ROBO4: variants seen among roughly 807,000 people sequenced by gnomAD.
ROBO4 encodes roundabout homolog 4.
A neutral mutation model predicts 103.3 loss-of-function variants in ROBO4; 80 were observed. That is an observed-to-expected ratio of 0.77 (90% CI 0.65 to 0.93). The LOEUF is 0.93. Ranked by LOEUF, ROBO4 falls within the 40% of genes least tolerant of loss-of-function variation. The pLI is 0.00. For missense variants in ROBO4, 1,333 were observed against 1,305.3 expected (o/e 1.02, Z -0.33); for synonymous variants, 504 against 529.7 (o/e 0.95, Z 0.67).
chr11:124,891,145 A>G (rs1946790391), intron 12 of ROBO4, among the ~76,000 whole-genome samples, 154 bp downstream of exon 12: 1 of 140,950 alleles, frequency 7.1e-6, no homozygotes, highest in African/African-American at 3.0e-5. Flanking sequence ...TGGTGGTAGG[A>G]GAAAGAGGTC....
intron 13 of ROBO4, 103 bp from the exon 14 acceptor site, chr11:124,887,602 C>T: frequency 6.4e-7 from 1 of 1,555,378 alleles, no homozygotes; most frequent in Non-Finnish European, 8.8e-7. Flanking sequence ...CTGTCCACTA[C>T]TCCATCCAAC....
chr11:124,897,034 G>T lies in ROBO4; in HGVS notation c.298C>A (p.His100Asn). ...TCTGTGGACAGGGCCTGGCCATCGTGGGCATGTCCCCGGGCAGGGGGCTGT... is the reference window on the plus strand; with the variant it reads ...TCTGTGGACAGGGCCTGGCCATCGTTGGCATGTCCCCGGGCAGGGGGCTGT... ...LLQPPARGHA[H>N]DGQALSTDLG... Residue 100 changes from histidine (H) to asparagine (N), a missense_variant, in exon 2 of 18, where the codon CAC becomes AAC. Coordinates refer to ENST00000306534, the MANE Select transcript of ROBO4 (RefSeq NM_019055.6). 1 of 1,614,010 alleles carries T rather than the reference G, an allele frequency of 6.2e-7. No individual in the cohort carries two copies. Among genetic ancestry groups the T allele is most frequent in the South Asian group, 1.1e-5 (1 of 91,040 alleles).
In ROBO4 at chr11:124,897,096, G is replaced by C. The variant is rs1471840729; in HGVS notation, c.236C>G (p.Pro79Arg). Reference sequence around the variant, plus strand: ...GGTCCCATCAGGCAGGAGGTGGTGTGGGTCTGGGGGCACCATGCTCAGGGG... The same window carrying C: ...GGTCCCATCAGGCAGGAGGTGGTGTCGGTCTGGGGGCACCATGCTCAGGGG... ...GQPLSMVPPD[P>R]HHLLPDGTLL... is the part of the protein sequence containing the mutation. Residue 79 changes from proline to arginine, a missense_variant, in exon 2 of 18, where the codon CCA (proline) becomes CGA (arginine). Physicochemically the swap from Pro to Arg is moderately radical, Grantham distance 103. Transcript: ENST00000306534. The C allele has an allele frequency of 6.9e-6, 11 of 1,601,152 alleles. No individual in the cohort carries two copies. The highest frequency in any genetic ancestry group is 9.4e-6 in the Non-Finnish European group (11 of 1,172,014).
rs562858449 is a variant in ROBO4 at position 124,894,481 on chromosome 11, G to A, written c.1150-112C>T. 16 of 1,078,590 alleles carry A rather than the reference G, an allele frequency of 1.5e-5. No homozygotes were observed. The African/African-American group carries it at 1.7e-4, about 12-fold the overall frequency. 66.8% of individuals were successfully genotyped at this position (1,078,590 alleles called of 1,614,324 possible). ...GGTTATTCTGCCCTGCCATCCACTT[G>A]GGGAATGCACCCAATTTCCTATTCC... On this transcript the variant is annotated intron_variant, in intron 7 of 17. Transcript: ENST00000306534.
At position 124,895,457 on chromosome 11, in the gene ROBO4, C is replaced by T. The variant is rs1281608574; in HGVS notation, c.1036G>A (p.Val346Met). ...NVLLLRLPEK[V>M]PSAPPQEVTL... ...GCTTCTGAAGGGATCAGGCCCTGAC[C>T]TTTTTCCGGCAGCCTCAGGAGCAGC... The change falls in exon 6 of 18, where the codon GTG becomes ATG. Residue 346 changes from valine to methionine, a missense_variant and splice_region_variant. Physicochemically the swap from Val to Met is conservative, Grantham distance 21. Coordinates refer to ENST00000306534, the MANE Select transcript of ROBO4 (RefSeq NM_019055.6). The T allele has an allele frequency of 1.2e-6, 2 of 1,608,730 alleles. No individual in the cohort carries two copies. Among genetic ancestry groups the T allele is most frequent in the East Asian group, 2.2e-5 (1 of 44,882 alleles).
At position 124,884,607 on chromosome 11, in the gene ROBO4, C is replaced by A; in HGVS notation, c.*284G>T. ...GCAGCAGGCAGGGCTGCTCCTCAGGCCAAAACAACCTGGTGGTGGGAGTGG... is the reference window on the plus strand; with the variant it reads ...GCAGCAGGCAGGGCTGCTCCTCAGGACAAAACAACCTGGTGGTGGGAGTGG... On this transcript the variant is annotated 3_prime_UTR_variant, in exon 18 of 18. Transcript: ENST00000306534. 1.9e-6 allele frequency: 1 copy of A among 536,538 alleles called. No homozygotes were observed. 33.2% of individuals were successfully genotyped at this position (536,538 alleles called of 1,614,324 possible).
At position 124,888,340 on chromosome 11, in the gene ROBO4, T is replaced by C. The variant is rs112272457; in HGVS notation, c.1949-500A>G. 9.9e-3 allele frequency among the ~76,000 whole-genome samples: 1,501 copies of C among 152,346 alleles called. 17 individuals are homozygous for C. Among genetic ancestry groups the C allele is most frequent in the African/African-American group, 0.026 (1,063 of 41,578 alleles). ...AATCTATTAATTTCCATTTCTCACA[T>C]TGCAAATATCTCACATGGCTCTGGA... On this transcript the variant is annotated intron_variant, in intron 12 of 17. Transcript: ENST00000306534.
chr11:124,890,093 T>C (rs769231819), intron 12 of ROBO4, among the ~76,000 whole-genome samples: 18 of 152,352 alleles, frequency 1.2e-4, no homozygotes, highest in Non-Finnish European at 2.2e-4. Context: ...ATCCATTCCA[T>C]TAAAGTTGGT....
In ROBO4 at chr11:124,894,223, A is replaced by C; in HGVS notation, c.1296T>G (p.Ser432Arg). Residue 432 changes from serine to arginine, a missense_variant, in exon 8 of 18, where the codon AGT (serine) becomes AGG (arginine). Transcript: ENST00000306534. ...AVTGAGAGEPSRPVCLLLEQA... is the reference protein window; with the variant it reads ...AVTGAGAGEPRRPVCLLLEQA... The stretch of plus-strand genomic sequence containing the variant: ...CACCTAAAAGGAGGCAGACAGGTCT[A>C]CTGGGCTCCCCAGCTCCAGCACCAG... 1 of 1,613,230 alleles carries C rather than the reference A, an allele frequency of 6.2e-7. No homozygotes were observed. The highest frequency in any genetic ancestry group is 8.5e-7 in the Non-Finnish European group (1 of 1,179,700).
In ROBO4 at chr11:124,887,171, T is replaced by C. The variant is rs751065818; in HGVS notation, c.2241A>G (p.Pro747=). The C allele has an allele frequency of 3.1e-6, 5 of 1,604,744 alleles. No individual in the cohort carries two copies. In the Admixed American group the frequency reaches 8.4e-5, roughly 27 times the overall value. The stretch of plus-strand genomic sequence containing the variant: ...GGCTAAGGATGGGGATGGGGGCTGC[T>C]GGCAGCAGGATGGAGGAGGGAGCCT... ...APQAPSSILL[P]AAPIPILSPC... is the part of the protein sequence containing the mutation. Residue 747 remains proline, a synonymous_variant, in exon 15 of 18, where the codon CCA becomes CCG. Transcript: ENST00000306534.
At chr11:124,895,282 C>A in intron 6 of ROBO4, 89 bp from the exon 7 acceptor site, 1 of 1,216,104 alleles carries the variant, frequency 8.2e-7, no homozygotes. Flanking sequence ...CGTCAGAACC[C>A]TACTGAAGAG....
chr11:124,891,396 G>C lies in ROBO4; in HGVS notation c.1851C>G (p.Pro617=). 1 of 1,574,746 alleles carries C rather than the reference G, an allele frequency of 6.4e-7. No individual in the cohort carries two copies. The highest frequency in any genetic ancestry group is 1.8e-5 in the Admixed American group (1 of 57,004). Reference sequence around the variant, plus strand: ...TGCAGAGGCTGTCTGAGCTGGAACAGGGGCTGGAGAGCTGGGCCAGCTGGG... The same window carrying C: ...TGCAGAGGCTGTCTGAGCTGGAACACGGGCTGGAGAGCTGGGCCAGCTGGG... ...LPPQLAQLSS[P]CSSSDSLCSR... is the part of the protein sequence containing the mutation. The change falls in exon 12 of 18, where the codon CCC becomes CCG. Residue 617 remains proline (P), a synonymous_variant. Coordinates refer to ENST00000306534, the MANE Select transcript of ROBO4 (RefSeq NM_019055.6).
intron 14 of ROBO4, 54 bp from the exon 15 acceptor site, chr11:124,887,267 TTTCCCCC>T (rs1268311387): frequency 1.8e-5 from 28 of 1,596,260 alleles, no homozygotes; most frequent in Non-Finnish European, 8.5e-7. Context: ...CTTCAAGTCC[TTTCCCCC>T]CTTCCCCAGC....
At chr11:124,893,632 G>C in intron 10 of ROBO4, 56 bp downstream of exon 10, 1 of 1,517,062 alleles carries the variant, frequency 6.6e-7, no homozygotes, top group Non-Finnish European at 9.2e-7. Context: ...CTCTGTTGCA[G>C]CTCCACTGTC....
Position 124,895,461 on chromosome 11 carries a change from T to C in ROBO4, c.1032A>G (p.Glu344=), listed in dbSNP as rs1565327105. Residue 344 remains glutamate (E), a synonymous_variant, in exon 6 of 18, where the codon GAA becomes GAG. Coordinates refer to ENST00000306534, the MANE Select transcript of ROBO4 (RefSeq NM_019055.6). Reference sequence around the variant, plus strand: ...CTGAAGGGATCAGGCCCTGACCTTTTTCCGGCAGCCTCAGGAGCAGCACGT... The same window carrying C: ...CTGAAGGGATCAGGCCCTGACCTTTCTCCGGCAGCCTCAGGAGCAGCACGT... ...DSNVLLLRLP[E]KVPSAPPQEV... is the part of the protein sequence containing the mutation. The C allele has an allele frequency of 6.2e-7, 1 of 1,609,404 alleles. No homozygotes were observed. The highest frequency in any genetic ancestry group is 2.2e-5 in the East Asian group (1 of 44,876).
intron 16 of ROBO4, among the ~76,000 whole-genome samples, chr11:124,885,527 T>A (rs1946698018): frequency 6.6e-6 from 1 of 151,718 alleles, no homozygotes; most frequent in Non-Finnish European, 1.5e-5. Flanking sequence ...TCTTCTGCCA[T>A]CATGGGCACT....
chr11:124,886,387 A>T, intron 16 of ROBO4, 77 bp downstream of exon 16: 1 of 1,140,074 alleles, frequency 8.8e-7, no homozygotes, highest in Non-Finnish European at 1.3e-6. Context: ...TAGTTGTTTT[A>T]ACAATGATGA....
Position 124,895,163 on chromosome 11 carries a change from A to C in ROBO4, c.1067T>G (p.Leu356Arg), listed in dbSNP as rs751665330. ...AAAGACAGTGCCATTGCCAGGCTTTAGAGTCACTTCCTGAGGTGGGGCACT... is the reference window on the plus strand; with the variant it reads ...AAAGACAGTGCCATTGCCAGGCTTTCGAGTCACTTCCTGAGGTGGGGCACT... Reference protein sequence around the residue: ...VPSAPPQEVTLKPGNGTVFVS... With the variant: ...VPSAPPQEVTRKPGNGTVFVS... Residue 356 changes from leucine to arginine, a missense_variant, in exon 7 of 18, where the codon CTA (leucine) becomes CGA (arginine). Coordinates refer to ENST00000306534, the MANE Select transcript of ROBO4 (RefSeq NM_019055.6). 2.5e-6 allele frequency: 4 copies of C among 1,614,026 alleles called. No individual in the cohort carries two copies. In the East Asian group the frequency reaches 6.7e-5, roughly 27 times the overall value.
rs1170518737 is a variant in ROBO4, at chr11:124,884,073, C to T, written c.*818G>A. On this transcript the variant is annotated 3_prime_UTR_variant, in exon 18 of 18. Transcript: ENST00000306534. Reference sequence around the variant, plus strand: ...TGCTTAAAATTTGGTGGATGAACCTCATTCTCCCTTTAATTGCAGAACAGA... The same window carrying T: ...TGCTTAAAATTTGGTGGATGAACCTTATTCTCCCTTTAATTGCAGAACAGA... 6.6e-6 allele frequency: 1 copy of T among 152,150 alleles called. No homozygotes were observed. Among genetic ancestry groups the T allele is most frequent in the African/African-American group, 2.4e-5 (1 of 41,426 alleles). 9.4% of individuals were successfully genotyped at this position (152,150 alleles called of 1,614,324 possible).
Sources: gnomAD v4.1 joint callset for allele counts (sites outside exome capture counted in the v4.1 genomes callset) on GRCh38, gnomAD v4.1.1 for gene constraint, MANE v1.5 for transcripts, NCBI Gene and HGNC (gene_info 2026-07-23, HGNC 2026-07-21) for gene names.